The following GNB1 variants were observed in gnomAD, a reference collection of about 807,000 sequenced individuals.
GNB1 encodes the protein guanine nucleotide-binding protein G(I)/G(S)/G(T) subunit beta-1.
Under a neutral mutation model 42.9 loss-of-function variants are expected in GNB1, and 2 were observed. The observed-to-expected ratio is 0.05, with a 90% CI of 0.02 to 0.15. The LOEUF (loss-of-function observed/expected upper bound fraction) is 0.15, where lower values mean the gene tolerates loss of function less well. GNB1 is among the 10% of genes least tolerant of loss of function. GNB1 has a pLI of 1.00. For synonymous variants in GNB1, 183 were observed against 174.7 expected, an observed-to-expected ratio of 1.05 and a Z score of -0.38; for missense variants, 193 against 462.2, an observed-to-expected ratio of 0.42 and a Z score of 5.34.
chr1:1,835,922 G>GAAA (rs59271649), intron 2 of GNB1, among the ~76,000 whole-genome samples: 2,820 of 88,634 alleles, frequency 0.032, 167 homozygotes, highest in Non-Finnish European at 0.042. Flanking sequence ...ATTAAAAAAA[G>GAAA]AAAAAAAAAA....
chr1:1,887,968 C>G (rs887215190), intron 1 of GNB1, among the ~76,000 whole-genome samples: 1 of 152,174 alleles, frequency 6.6e-6, no homozygotes, highest in Non-Finnish European at 1.5e-5. Context: ...TCTGCAGTCT[C>G]TTGAATCTTC....
intron 1 of GNB1, among the ~76,000 whole-genome samples, chr1:1,865,290 C>CA (rs60963237): frequency 0.015 from 1,765 of 114,518 alleles, 27 homozygotes; most frequent in African/African-American, 0.046. Context: ...AAAAAAAAAC[C>CA]AAAAAAAAAA....
intron 1 of GNB1, among the ~76,000 whole-genome samples, chr1:1,887,870 C>T (rs1264903620): frequency 2.0e-5 from 3 of 152,262 alleles, no homozygotes; most frequent in Non-Finnish European, 4.4e-5. Context: ...CCGCCTCCAC[C>T]TCCCAAAGTG....
rs983936126 is a variant in GNB1, at chr1:1,878,724, T to A, written c.-96+12096A>T. 2.0e-5 allele frequency among the ~76,000 whole-genome samples: 3 copies of A among 152,212 alleles called. 1 individual carries two copies. Among genetic ancestry groups the A allele is most frequent in the Middle Eastern group, 6.3e-3 (2 of 316 alleles). The stretch of plus-strand genomic sequence containing the variant: ...CATCTTTGGCCCTGAATACGCATTT[T>A]ACAAAAGATCTCTCCTCTCTTCCCC... On this transcript the variant is annotated intron_variant, in intron 1 of 11. Transcript: ENST00000378609.
At chr1:1,827,794 G>A (rs1322789604) in intron 2 of GNB1, among the ~76,000 whole-genome samples, 3 of 152,200 alleles carry the variant, frequency 2.0e-5, no homozygotes, top group East Asian at 1.9e-4. Context: ...CACCCCGCAC[G>A]CATAATAGAG....
chr1:1,850,352 G>A (rs757118090), intron 1 of GNB1, among the ~76,000 whole-genome samples: 26 of 151,818 alleles, frequency 1.7e-4, no homozygotes, highest in Middle Eastern at 3.4e-3. Flanking sequence ...GGCTGGTCTC[G>A]AACTCCCGAC....
rs116170979 is a variant in GNB1, at chr1:1,866,132, G to A, written c.-96+24688C>T. On this transcript the variant is annotated intron_variant, in intron 1 of 11. Transcript: ENST00000378609. ...TTTTTCTATTTAGTAGACAGACAGG[G>A]TTTCACCATCTTGGTCAGGCTGGTC... is the stretch of plus-strand genomic sequence containing the variant. Among the ~76,000 whole-genome samples the A allele has an allele frequency of 8.2e-3, 1,250 of 152,228 alleles. 21 individuals are homozygous for A. Among genetic ancestry groups the A allele is most frequent in the African/African-American group, 0.029 (1,213 of 41,538 alleles).
At position 1,789,162 on chromosome 1, in the gene GNB1, G is replaced by A; in HGVS notation, c.807C>T (p.Ile269=). The part of the protein sequence containing the change: ...QELMTYSHDN[I]ICGITSVSFS... ...AGGAGACAGAGGTGATCCCGCAGAT[G>A]ATGTTGTCATGGGAGTAAGTCATGA... Residue 269 remains isoleucine, a synonymous_variant, in exon 10 of 12, where the codon ATC becomes ATT. Transcript: ENST00000378609. 4 of 1,613,944 alleles carry A rather than the reference G, an allele frequency of 2.5e-6. No individual in the cohort carries two copies. The highest frequency in any genetic ancestry group is 3.4e-6 in the Non-Finnish European group (4 of 1,179,790).
At chr1:1,815,710 A>C (rs1269934507) in intron 5 of GNB1, 46 bp downstream of exon 5, 2 of 994,814 alleles carry the variant, frequency 2.0e-6, no homozygotes, top group Non-Finnish European at 3.2e-6. Context: ...ACAACAGAGC[A>C]GCCCCTGAAT....
chr1:1,791,708 A>T (rs578236158), intron 8 of GNB1, among the ~76,000 whole-genome samples: 1 of 152,202 alleles, frequency 6.6e-6, no homozygotes, highest in Non-Finnish European at 1.5e-5. Flanking sequence ...TGCAAATCCA[A>T]TCAGCCAATC....
chr1:1,872,556 C>T (rs1212852804), intron 1 of GNB1, among the ~76,000 whole-genome samples: 3 of 152,296 alleles, frequency 2.0e-5, no homozygotes, highest in South Asian at 4.1e-4. Flanking sequence ...CTGTCCCTTC[C>T]GCAGGACCTC....
At chr1:1,878,025 T>C (rs1289291458) in intron 1 of GNB1, among the ~76,000 whole-genome samples, 1 of 152,154 alleles carries the variant, frequency 6.6e-6, no homozygotes, top group African/African-American at 2.4e-5. Context: ...CTATAATGCA[T>C]AGGCTCCAGG....
chr1:1,869,308 TCAGA>T (rs1158035928), intron 1 of GNB1, among the ~76,000 whole-genome samples: 2 of 151,416 alleles, frequency 1.3e-5, no homozygotes, highest in African/African-American at 2.4e-5. Flanking sequence ...ATTCATTATC[TCAGA>T]CACTTACTAC....
chr1:1,809,523 C>G (rs1646747001), intron 5 of GNB1, among the ~76,000 whole-genome samples: 1 of 152,226 alleles, frequency 6.6e-6, no homozygotes, highest in Admixed American at 6.5e-5. Context: ...AAAATTATTT[C>G]TACGTAATGG....
chr1:1,802,154 C>G (rs987116776), intron 7 of GNB1, among the ~76,000 whole-genome samples: 1 of 152,116 alleles, frequency 6.6e-6, no homozygotes, highest in African/African-American at 2.4e-5. Context: ...TAGAAAGACA[C>G]AGAATATTTG....
At chr1:1,862,202 CAG>C (rs1283793933) in intron 1 of GNB1, among the ~76,000 whole-genome samples, 2 of 152,180 alleles carry the variant, frequency 1.3e-5, no homozygotes, top group Admixed American at 6.5e-5. Context: ...GCCTGGGTAA[CAG>C]AGTAAAACCT....
At chr1:1,884,225 G>A (rs369540857) in intron 1 of GNB1, among the ~76,000 whole-genome samples, 24 of 151,518 alleles carry the variant, frequency 1.6e-4, no homozygotes, top group African/African-American at 4.8e-4. Flanking sequence ...TCAGCCTCCC[G>A]AGTAGCTGGA....
intron 5 of GNB1, among the ~76,000 whole-genome samples, chr1:1,813,064 G>C (rs1282429734): frequency 6.6e-6 from 1 of 152,136 alleles, no homozygotes; most frequent in East Asian, 1.9e-4. Flanking sequence ...CCCACACATG[G>C]AGGAAAGGCC....
intron 7 of GNB1, among the ~76,000 whole-genome samples, chr1:1,802,111 T>A (rs1414751644): frequency 2.0e-5 from 3 of 152,168 alleles, no homozygotes; most frequent in African/African-American, 7.2e-5. Flanking sequence ...AGAAAATCCA[T>A]AATCATTTTA....
Sources: allele counts gnomAD v4.1 joint callset (sites outside exome capture counted in the v4.1 genomes callset), GRCh38; gene constraint gnomAD v4.1.1; transcripts MANE v1.5; gene names NCBI Gene and HGNC (gene_info 2026-07-23, HGNC 2026-07-21).